TASOR2: variants seen among roughly 807,000 people sequenced by gnomAD.
TASOR2 encodes protein TASOR 2.
In TASOR2, 84 loss-of-function variants were observed where a neutral mutation model predicts 199.5. That is an observed-to-expected ratio of 0.42 (90% CI 0.35 to 0.50). The LOEUF is 0.50. Among genes scored for constraint, TASOR2 ranks in the 20% least tolerant of loss-of-function variants. TASOR2 has a pLI of 0.02. For synonymous variants in TASOR2, 1,103 were observed against 1,046.6 expected, an observed-to-expected ratio of 1.05 and a Z score of -1.04; for missense variants, 2,796 against 2,835.9, an observed-to-expected ratio of 0.99 and a Z score of 0.32.
At chr10:5,729,340 T>TCA in intron 10 of TASOR2, among the ~76,000 whole-genome samples, 1 of 151,326 alleles carries the variant, frequency 6.6e-6, no homozygotes, top group South Asian at 2.1e-4. Context: ...AGAGCAAGAC[T>TCA]GAGTTAAAAC....
intron 1 of TASOR2, among the ~76,000 whole-genome samples, chr10:5,708,250 A>G (rs1358311655): frequency 6.6e-6 from 1 of 152,116 alleles, no homozygotes; most frequent in Non-Finnish European, 1.5e-5. Flanking sequence ...CCTTTAATGT[A>G]TCATGTTTAA....
At chr10:5,746,718 G>A (rs748875427) in exon 15 of TASOR2, 14 of 1,614,064 alleles carry the variant, frequency 8.7e-6, no homozygotes, top group Admixed American at 1.7e-5. Context: ...TATCCACCTC[G>A]GAAAATGCAC....
Position 5,720,823 on chromosome 10 carries a change from A to G in TASOR2, c.47-48A>G, listed in dbSNP as rs769262466. On this transcript the variant is annotated intron_variant, in intron 5 of 20. Transcript: ENST00000328090. This position sits in a 1 kb window ranked among gnomAD's most constrained non-coding sequence, Gnocchi z 5.3. Reference sequence around the variant, plus strand: ...TTTAGGTTTTTTTTTTCTTGAGTAAATGTTTCATCATAAATAATCAGTTTC... The same window carrying G: ...TTTAGGTTTTTTTTTTCTTGAGTAAGTGTTTCATCATAAATAATCAGTTTC... 61 of 1,594,660 alleles carry G rather than the reference A, an allele frequency of 3.8e-5. No individual in the cohort carries two copies. The highest frequency in any genetic ancestry group is 4.6e-5 in the Non-Finnish European group (54 of 1,174,214).
At chr10:5,755,067 AAG>A (rs1491209596) in intron 15 of TASOR2, among the ~76,000 whole-genome samples, 67 of 150,998 alleles carry the variant, frequency 4.4e-4, no homozygotes, top group African/African-American at 1.6e-3. Context: ...AAAAAAAAAA[AAG>A]AGAAATCTGA....
exon 15 of TASOR2, chr10:5,747,899 C>T (rs750873484): frequency 6.2e-7 from 1 of 1,613,718 alleles, no homozygotes; most frequent in South Asian, 1.1e-5. Context: ...ACAGGTAGAC[C>T]AACCCTTCCT....
chr10:5,687,950 A>ATATT lies in TASOR2; in HGVS notation c.-288+2776_-288+2777insATTT. Among the ~76,000 whole-genome samples, 1 of 152,240 alleles carries ATATT rather than the reference A, an allele frequency of 6.6e-6. No homozygotes were observed. ...TTGGTACCTTTAAATATAATAACCCATTACATCTTAACATATTTTATCTCC... is the reference window on the plus strand; with the variant it reads ...TTGGTACCTTTAAATATAATAACCCATATTTTACATCTTAACATATTTTATCTCC... On this transcript the variant is annotated intron_variant, in intron 1 of 20. Transcript: ENST00000328090. This position sits in a 1 kb window ranked among gnomAD's most constrained non-coding sequence, Gnocchi z 4.8.
rs182684618 is a variant in TASOR2 at position 5,689,955 on chromosome 10, A to C, written c.-288+4780A>C. Among the ~76,000 whole-genome samples the C allele has an allele frequency of 5.1e-4, 77 of 152,232 alleles. No individual in the cohort carries two copies. The highest frequency in any genetic ancestry group is 9.4e-4 in the Non-Finnish European group (64 of 68,006). Reference sequence around the variant, plus strand: ...GACTACTCTTTTCATTTTCTTCATCATTATTGGTTTATTTAAATGTTTCTT... The same window carrying C: ...GACTACTCTTTTCATTTTCTTCATCCTTATTGGTTTATTTAAATGTTTCTT... On this transcript the variant is annotated intron_variant, in intron 1 of 20. Transcript: ENST00000328090. The surrounding 1 kb of genome is among the most constrained non-coding windows in gnomAD (Gnocchi z 4.1).
At chr10:5,693,172 C>T (rs1013934352) in intron 1 of TASOR2, among the ~76,000 whole-genome samples, 2 of 152,116 alleles carry the variant, frequency 1.3e-5, no homozygotes, top group Non-Finnish European at 2.9e-5. Context: ...GTATGGTACC[C>T]GAAGGCTTAA....
chr10:5,708,527 CTT>C lies in TASOR2; in HGVS notation c.-287-4294_-287-4293del, dbSNP rs1423941209. On this transcript the variant is annotated intron_variant, in intron 1 of 20. Transcript: ENST00000328090. ...TTCTGAGCTAACTTGCTTGCTTTCT[CTT>C]TCTTTCCTTTCTTTCTCTTTCTTTC... Among the ~76,000 whole-genome samples, 6 of 151,356 alleles carry C rather than the reference CTT, an allele frequency of 4.0e-5. No individual in the cohort carries two copies. In the South Asian group the frequency reaches 8.4e-4, roughly 21 times the overall value.
rs1468140473 is a variant in TASOR2 at position 5,717,361 on chromosome 10, A to C, written c.-191-298A>C. On this transcript the variant is annotated intron_variant, in intron 2 of 20. Coordinates refer to ENST00000328090, the Ensembl canonical transcript of TASOR2. ...TCTGTGACCCAGGCCCACCCTCCCT[A>C]CCTGAGTGACTTATTCTTACCTGGA... Among the ~76,000 whole-genome samples, 2 of 151,968 alleles carry C rather than the reference A, an allele frequency of 1.3e-5. 1 individual carries two copies. The highest frequency in any genetic ancestry group is 4.2e-4 in the South Asian group (2 of 4,814).
chr10:5,718,986 A>G (rs907490629), intron 3 of TASOR2, among the ~76,000 whole-genome samples: 1 of 152,116 alleles, frequency 6.6e-6, no homozygotes, highest in African/African-American at 2.4e-5. Flanking sequence ...CTCAATCTTC[A>G]TTTTATTTCA....
intron 2 of TASOR2, among the ~76,000 whole-genome samples, chr10:5,715,415 A>G (rs1832496990): frequency 6.6e-6 from 1 of 152,138 alleles, no homozygotes; most frequent in Admixed American, 6.5e-5. Context: ...GCTCTAGGCA[A>G]CCACCAGTCT....
At chr10:5,749,677 C>G in exon 15 of TASOR2, 1 of 1,614,192 alleles carries the variant, frequency 6.2e-7, no homozygotes. Flanking sequence ...TCAAAGAAAT[C>G]ACACTGTTTC....
At chr10:5,702,819 A>C (rs1838060786) in intron 1 of TASOR2, among the ~76,000 whole-genome samples, 1 of 152,168 alleles carries the variant, frequency 6.6e-6, no homozygotes, top group South Asian at 2.1e-4. Context: ...GAAAAGACAC[A>C]ACATGCTCCA....
chr10:5,688,227 TTC>T (rs1355349698), intron 1 of TASOR2, among the ~76,000 whole-genome samples: 1 of 152,094 alleles, frequency 6.6e-6, no homozygotes, highest in African/African-American at 2.4e-5. Flanking sequence ...GTGTTTTTGT[TTC>T]TGTTTTGTTT....
chr10:5,731,114 A>G (rs1834753775), exon 11 of TASOR2: 2 of 1,613,422 alleles, frequency 1.2e-6, no homozygotes, highest in South Asian at 2.2e-5. Flanking sequence ...CCCTTTCCCA[A>G]AAGAACTGCT....
intron 2 of TASOR2, among the ~76,000 whole-genome samples, chr10:5,716,065 T>C (rs2131558505): frequency 6.6e-6 from 1 of 152,306 alleles, no homozygotes; most frequent in South Asian, 2.1e-4. Flanking sequence ...GTACAGCAGG[T>C]TACTGTACGG....
chr10:5,710,465 CCTT>C lies in TASOR2; in HGVS notation c.-287-2356_-287-2354del, dbSNP rs1039205002. On this transcript the variant is annotated intron_variant, in intron 1 of 20. Coordinates refer to ENST00000328090, the Ensembl canonical transcript of TASOR2. This position sits in a 1 kb window ranked among gnomAD's most constrained non-coding sequence, Gnocchi z 4.6. ...AAATAATTTGGTACTTGTTCCTCCT[CCTT>C]CGTTTTAAATCATTGGCTTTATTTA... Among the ~76,000 whole-genome samples the C allele has an allele frequency of 6.6e-6, 1 of 151,994 alleles. No homozygotes were observed. Among genetic ancestry groups the C allele is most frequent in the African/African-American group, 2.4e-5 (1 of 41,402 alleles).
chr10:5,705,662 A>G (rs549262096), intron 1 of TASOR2, among the ~76,000 whole-genome samples: 3 of 152,270 alleles, frequency 2.0e-5, no homozygotes, highest in Middle Eastern at 3.4e-3. Flanking sequence ...CTTTTTAGCC[A>G]TTCTACTGGA....
Sources: gnomAD v4.1 joint callset for allele counts (sites outside exome capture counted in the v4.1 genomes callset) on GRCh38, gnomAD v4.1.1 for gene constraint, Gnocchi (gnomAD v3.1) non-coding constraint, MANE v1.5 for transcripts, NCBI Gene and HGNC (gene_info 2026-07-23, HGNC 2026-07-21) for gene names.